The following SPEN variants were observed in gnomAD, a reference collection of about 807,000 sequenced individuals.
The protein encoded by SPEN is spen family transcriptional repressor, also known as msx2-interacting protein.
In SPEN, 18 loss-of-function variants were observed where a neutral mutation model predicts 269.9. That is an observed-to-expected ratio of 0.07 (90% CI 0.05 to 0.10). SPEN has a LOEUF of 0.10. SPEN is among the 10% of genes least tolerant of loss of function. SPEN has a pLI of 1.00. For synonymous variants in SPEN, 1,726 were observed against 1,765.7 expected (o/e 0.98, Z 0.56); for missense variants, 3,822 against 4,631.2 (o/e 0.83, Z 5.07).
rs115751776 is a variant in SPEN, at chr1:15,870,304, G to T, written c.84-2512G>T. 9.1e-3 allele frequency among the ~76,000 whole-genome samples: 1,386 copies of T among 152,300 alleles called. 25 individuals carry two copies. Among genetic ancestry groups the T allele is most frequent in the African/African-American group, 0.032 (1,326 of 41,552 alleles). On this transcript the variant is annotated intron_variant, in intron 1 of 14. Transcript: ENST00000375759. ...GAAGTTATATATTGGGTTTTAGTTG[G>T]GTGGGTGGCTATGTAATTTGCCTGC... is the stretch of plus-strand genomic sequence containing the variant.
intron 3 of SPEN, among the ~76,000 whole-genome samples, chr1:15,900,168 A>G (rs2070886624): frequency 6.6e-6 from 1 of 152,202 alleles, no homozygotes; most frequent in East Asian, 1.9e-4. Flanking sequence ...TTTAAACGAA[A>G]TTAAAAATGT....
intron 9 of SPEN, among the ~76,000 whole-genome samples, chr1:15,921,588 AG>A (rs2071120604): frequency 6.6e-6 from 1 of 152,134 alleles, no homozygotes; most frequent in Admixed American, 6.6e-5. Context: ...GCTTGACCAC[AG>A]TTATGGGTAT....
At chr1:15,897,086 A>G (rs2070848570) in intron 3 of SPEN, among the ~76,000 whole-genome samples, 1 of 152,214 alleles carries the variant, frequency 6.6e-6, no homozygotes, top group Admixed American at 6.5e-5. Context: ...TCAGTTAATC[A>G]TTATCATATC....
chr1:15,859,816 A>G (rs2070425015), intron 1 of SPEN, among the ~76,000 whole-genome samples: 1 of 149,234 alleles, frequency 6.7e-6, no homozygotes, highest in South Asian at 2.2e-4. Context: ...GAAAGCTTTT[A>G]GTTCTAGAGA....
intron 1 of SPEN, 40 bp from the exon 2 acceptor site, chr1:15,872,776 T>C (rs562554920): frequency 6.9e-7 from 1 of 1,451,310 alleles, no homozygotes; most frequent in African/African-American, 1.4e-5. Context: ...TTTGGAAAAT[T>C]ATTGATATGC....
At chr1:15,887,758 A>G (rs2070750408) in intron 3 of SPEN, among the ~76,000 whole-genome samples, 1 of 150,108 alleles carries the variant, frequency 6.7e-6, no homozygotes, top group Non-Finnish European at 1.5e-5. Context: ...ACGGTGGCTC[A>G]CACCTGTAAT....
chr1:15,888,989 C>T (rs1459075147), intron 3 of SPEN, among the ~76,000 whole-genome samples: 1 of 151,972 alleles, frequency 6.6e-6, no homozygotes, highest in Non-Finnish European at 1.5e-5. Flanking sequence ...TTGTTCTTTC[C>T]TTATATCTCT....
At position 15,933,518 on chromosome 1, in the gene SPEN, T is replaced by C. The variant is rs533025269; in HGVS notation, c.7278T>C (p.Ser2426=). ...SVEERTPTKA[S]VPPDLPPPPQ... ...AGGAAAGGACTCCAACCAAAGCATC[T>C]GTGCCCCCAGACCTTCCCCCACCTC... Residue 2426 remains serine, a synonymous_variant, in exon 11 of 15, where the codon TCT becomes TCC. Coordinates refer to ENST00000375759, the MANE Select transcript of SPEN (RefSeq NM_015001.3). The surrounding 1 kb of genome is among the most constrained non-coding windows in gnomAD (Gnocchi z 5.7). 1.2e-6 allele frequency: 2 copies of C among 1,613,968 alleles called. No individual in the cohort carries two copies. The highest frequency in any genetic ancestry group is 2.2e-5 in the South Asian group (2 of 91,050).
chr1:15,880,903 A>G (rs1430110947), intron 3 of SPEN, among the ~76,000 whole-genome samples: 1 of 152,184 alleles, frequency 6.6e-6, no homozygotes, highest in Non-Finnish European at 1.5e-5. Flanking sequence ...TAGACAGGGA[A>G]CACTGTGGGC....
chr1:15,881,473 C>T (rs2070686933), intron 3 of SPEN, among the ~76,000 whole-genome samples: 1 of 152,142 alleles, frequency 6.6e-6, no homozygotes, highest in African/African-American at 2.4e-5. Flanking sequence ...GTGTAAAAAG[C>T]AGAATGAACT....
chr1:15,932,892 G>T lies in SPEN; in HGVS notation c.6652G>T (p.Ala2218Ser). The change falls in exon 11 of 15, where the codon GCC becomes TCC. Residue 2218 changes from alanine to serine, a missense_variant. Physicochemically the swap from Ala to Ser is moderately conservative, Grantham distance 99. Coordinates refer to ENST00000375759, the MANE Select transcript of SPEN (RefSeq NM_015001.3). This position sits in a 1 kb window ranked among gnomAD's most constrained non-coding sequence, Gnocchi z 4.2. Reference sequence around the variant, plus strand: ...AGCAAGTGAAACAGAGCTGGCTGCGGCCATCGGCTCCATCATCAATGACAT... The same window carrying T: ...AGCAAGTGAAACAGAGCTGGCTGCGTCCATCGGCTCCATCATCAATGACAT... ...HQASETELAA[A>S]IGSIINDISG... The T allele has an allele frequency of 6.2e-7, 1 of 1,614,240 alleles. No individual in the cohort carries two copies. The highest frequency in any genetic ancestry group is 8.5e-7 in the Non-Finnish European group (1 of 1,180,046).
At chr1:15,856,015 C>T (rs189370589) in intron 1 of SPEN, among the ~76,000 whole-genome samples, 623 of 90,958 alleles carry the variant, frequency 6.8e-3, no homozygotes, top group Middle Eastern at 0.013. Flanking sequence ...TTTTTTGAGA[C>T]GGAGTTTCTC....
Position 15,911,254 on chromosome 1 carries a change from A to T in SPEN, c.1196A>T (p.Lys399Ile), listed in dbSNP as rs1335116859. The T allele has an allele frequency of 6.2e-7, 1 of 1,614,032 alleles. No homozygotes were observed. Among genetic ancestry groups the T allele is most frequent in the East Asian group, 2.2e-5 (1 of 44,890 alleles). Residue 399 changes from lysine to isoleucine, a missense_variant, in exon 5 of 15, where the codon AAA (lysine) becomes ATA (isoleucine). By Grantham distance (102) the Lys-to-Ile change is moderately radical. Coordinates refer to ENST00000375759, the MANE Select transcript of SPEN (RefSeq NM_015001.3). Reference sequence around the variant, plus strand: ...AAAGCCTTGACTGCATCAAAAGGAAAACTTTTCTTTGGCATGCAGATTGAA... The same window carrying T: ...AAAGCCTTGACTGCATCAAAAGGAATACTTTTCTTTGGCATGCAGATTGAA... The part of the protein sequence containing the change: ...QEKALTASKG[K>I]LFFGMQIEVT...
chr1:15,901,583 G>A (rs1357855078), intron 3 of SPEN, among the ~76,000 whole-genome samples: 2 of 146,972 alleles, frequency 1.4e-5, no homozygotes, highest in African/African-American at 5.0e-5. Flanking sequence ...CTGGGGATCG[G>A]AAGTTGCAGT....
rs540116804 is a variant in SPEN, at chr1:15,848,244, G to T, written c.83+94G>T. ...GCCCCTCCCGGAGCGCGGAGCTGGT[G>T]AGGAGGACTCCGGCCCGGACCCACG... On this transcript the variant is annotated intron_variant, in intron 1 of 14. Transcript: ENST00000375759. This position sits in a 1 kb window ranked among gnomAD's most constrained non-coding sequence, Gnocchi z 5.1. 1.6e-3 allele frequency: 1,444 copies of T among 900,724 alleles called. 15 individuals are homozygous for T. The African/African-American group carries it at 0.022, about 14-fold the overall frequency. The allele number at this position is 900,724 out of a possible 1,614,324, so 55.8% of individuals were successfully genotyped here.
intron 5 of SPEN, among the ~76,000 whole-genome samples, chr1:15,913,007 T>G (rs1007698513): frequency 6.6e-6 from 1 of 152,208 alleles, no homozygotes; most frequent in African/African-American, 2.4e-5. Flanking sequence ...AGAAGTTTGG[T>G]TGGTTCAAGT....
In SPEN at chr1:15,931,969, C is replaced by A; in HGVS notation, c.5729C>A (p.Thr1910Asn). The A allele has an allele frequency of 6.2e-7, 1 of 1,614,240 alleles. No individual in the cohort carries two copies. Among genetic ancestry groups the A allele is most frequent in the Non-Finnish European group, 8.5e-7 (1 of 1,180,040 alleles). The change falls in exon 11 of 15, where the codon ACC becomes AAC. Residue 1910 changes from threonine (T) to asparagine (N), a missense_variant. Physicochemically the swap from Thr to Asn is moderately conservative, Grantham distance 65. Around this residue, in one of 16 missense-constraint regions of SPEN, gnomAD observed 533 missense variants for 618.8 expected, o/e 0.86. Coordinates refer to ENST00000375759, the MANE Select transcript of SPEN (RefSeq NM_015001.3). This position sits in a 1 kb window ranked among gnomAD's most constrained non-coding sequence, Gnocchi z 4.8. ...RRRNVRSVYA[T>N]MGDHENRSPV... is the part of the protein sequence containing the mutation. ...CGGAATGTAAGGAGCGTCTATGCAA[C>A]CATGGGTGACCATGAAAACCGCTCT... is the stretch of plus-strand genomic sequence containing the variant.
chr1:15,911,068 G>T lies in SPEN; in HGVS notation c.1043-33G>T, dbSNP rs756670318. 24 of 1,525,768 alleles carry T rather than the reference G, an allele frequency of 1.6e-5. No individual in the cohort carries two copies. In the East Asian group the frequency reaches 5.2e-4, roughly 33 times the overall value. 94.5% of individuals were successfully genotyped at this position (1,525,768 alleles called of 1,614,324 possible). On this transcript the variant is annotated intron_variant, in intron 4 of 14. Coordinates refer to ENST00000375759, the MANE Select transcript of SPEN (RefSeq NM_015001.3). ...TTATTTAGTTATAATTAAATTAGAA[G>T]AATTAATAACTTGGTTTTTTTTGGG...
At chr1:15,921,231 G>A (rs2071117026) in intron 9 of SPEN, among the ~76,000 whole-genome samples, 1 of 152,210 alleles carries the variant, frequency 6.6e-6, no homozygotes, top group African/African-American at 2.4e-5. Context: ...TTGGGAGGCT[G>A]AGGCAGGAGA....
Sources: allele counts gnomAD v4.1 joint callset (sites outside exome capture counted in the v4.1 genomes callset), GRCh38; gene constraint gnomAD v4.1.1; regional missense constraint gnomAD v4.1.1; non-coding constraint Gnocchi (gnomAD v3.1); transcripts MANE v1.5; gene names NCBI Gene and HGNC (gene_info 2026-07-23, HGNC 2026-07-21).